IDH2: variants seen among roughly 807,000 people sequenced by gnomAD.
IDH2 encodes the protein isocitrate dehydrogenase (NADP(+)) 2, also known as isocitrate dehydrogenase [NADP], mitochondrial.
IDH2 carries 18 observed loss-of-function variants against 50.5 expected under a neutral mutation model. The ratio of observed to expected loss-of-function variants is 0.36; its 90% CI spans 0.25 to 0.53. IDH2 has a LOEUF of 0.53. IDH2 is among the 20% of genes least tolerant of loss of function. The pLI, the probability that IDH2 is intolerant of heterozygous loss-of-function variation, is 0.92. For synonymous variants in IDH2, 280 were observed against 239.8 expected (o/e 1.17, Z -1.55); for missense variants, 518 against 610.7 (o/e 0.85, Z 1.60).
intron 4 of IDH2, 42 bp downstream of exon 4, chr15:90,088,545 G>T (rs747955566): frequency 6.2e-7 from 1 of 1,614,088 alleles, no homozygotes; most frequent in African/African-American, 1.3e-5. Context: ...CTCCAGTCGG[G>T]GGGTGCCCAG....
chr15:90,088,241 A>G, intron 5 of IDH2, 118 bp downstream of exon 5: 1 of 1,360,882 alleles, frequency 7.3e-7, no homozygotes, highest in Non-Finnish European at 1.0e-6. Context: ...CCTGGTGGCC[A>G]TTTCTGCCTC....
intron 3 of IDH2, among the ~76,000 whole-genome samples, chr15:90,089,515 C>T (rs889646849): frequency 6.6e-6 from 1 of 152,124 alleles, no homozygotes; most frequent in East Asian, 1.9e-4. Context: ...AGGCTGTGAC[C>T]CTCTCCTGCC....
intron 3 of IDH2, 52 bp downstream of exon 3, chr15:90,090,427 G>T: frequency 6.3e-7 from 1 of 1,596,014 alleles, no homozygotes; most frequent in Non-Finnish European, 8.6e-7. Context: ...GGAGAGGCCG[G>T]TGGGAGAAGC....
rs951275836 is a variant in IDH2, at chr15:90,087,244, C to T, written c.835G>A (p.Asp279Asn). The T allele has an allele frequency of 1.2e-6, 2 of 1,614,094 alleles. No homozygotes were observed. The highest frequency in any genetic ancestry group is 1.7e-6 in the Non-Finnish European group (2 of 1,180,044). The change falls in exon 7 of 11, where the codon GAC becomes AAC. Residue 279 changes from aspartate to asparagine, a missense_variant. By Grantham distance (23) the Asp-to-Asn change is conservative. Coordinates refer to ENST00000330062, the MANE Select transcript of IDH2 (RefSeq NM_002168.4). Reference protein sequence around the residue: ...IFDKHYKTDFDKNKIWYEHRL... With the variant: ...IFDKHYKTDFNKNKIWYEHRL... ...TGCTCATACCAGATCTTATTCTTGTCGAAGTCGGTCTTATAGTGCCTGGGA... is the reference window on the plus strand; with the variant it reads ...TGCTCATACCAGATCTTATTCTTGTTGAAGTCGGTCTTATAGTGCCTGGGA...
rs1736614175 is a variant in IDH2, at chr15:90,100,316, A to G, written c.115+1960T>C. ...AATGGAACCAGCCCAAGGGCCCTCAACTTCACACAGAAGATGTGGGAGCAG... is the reference window on the plus strand; with the variant it reads ...AATGGAACCAGCCCAAGGGCCCTCAGCTTCACACAGAAGATGTGGGAGCAG... On this transcript the variant is annotated intron_variant, in intron 1 of 10. Transcript: ENST00000330062. The surrounding 1 kb of genome is among the most constrained non-coding windows in gnomAD (Gnocchi z 4.1). Among the ~76,000 whole-genome samples, 2 of 152,160 alleles carry G rather than the reference A, an allele frequency of 1.3e-5. No individual in the cohort carries two copies. Among genetic ancestry groups the G allele is most frequent in the African/African-American group, 4.8e-5 (2 of 41,440 alleles).
intron 1 of IDH2, among the ~76,000 whole-genome samples, chr15:90,099,697 A>G (rs550421143): frequency 8.2e-4 from 124 of 152,028 alleles, no homozygotes; most frequent in African/African-American, 2.9e-3. Context: ...GCCTCAAGCA[A>G]TCCTCCCACC....
intron 7 of IDH2, among the ~76,000 whole-genome samples, chr15:90,086,357 G>A (rs1900858628): frequency 6.6e-6 from 1 of 152,006 alleles, no homozygotes; most frequent in Non-Finnish European, 1.5e-5. Context: ...ATTTCTCGCT[G>A]TTCTTCTCTA....
At chr15:90,089,160 C>T (rs898369857) in intron 3 of IDH2, among the ~76,000 whole-genome samples, 10 of 151,946 alleles carry the variant, frequency 6.6e-5, no homozygotes, top group Admixed American at 1.3e-4. Flanking sequence ...GTGATCCACC[C>T]GCCTCGGCTT....
chr15:90,089,805 C>A (rs1202213506), intron 3 of IDH2, among the ~76,000 whole-genome samples: 1 of 152,218 alleles, frequency 6.6e-6, no homozygotes, highest in African/African-American at 2.4e-5. Flanking sequence ...TCGAGAGCGG[C>A]CCCAACAGCC....
At chr15:90,086,494 A>G (rs1221751106) in intron 7 of IDH2, among the ~76,000 whole-genome samples, 2 of 152,040 alleles carry the variant, frequency 1.3e-5, no homozygotes, top group African/African-American at 4.8e-5. Flanking sequence ...CCTGGGTTCA[A>G]GAGATTCTCC....
At chr15:90,095,676 G>T (rs980831409) in intron 1 of IDH2, among the ~76,000 whole-genome samples, 1 of 152,162 alleles carries the variant, frequency 6.6e-6, no homozygotes, top group Non-Finnish European at 1.5e-5. Flanking sequence ...TCACCGGCAG[G>T]TGCTAACTAA....
rs1900806798 is a variant in IDH2 at position 90,084,538 on chromosome 15, C to T, written c.1272-185G>A. ...GCCACCGAGATTCGGCAGGCACCCGCAGGGTCTGTCTTGCCAGGTAACTGC... is the reference window on the plus strand; with the variant it reads ...GCCACCGAGATTCGGCAGGCACCCGTAGGGTCTGTCTTGCCAGGTAACTGC... On this transcript the variant is annotated intron_variant, in intron 10 of 10. Coordinates refer to ENST00000330062, the MANE Select transcript of IDH2 (RefSeq NM_002168.4). This position sits in a 1 kb window ranked among gnomAD's most constrained non-coding sequence, Gnocchi z 5.0. Among the ~76,000 whole-genome samples, 1 of 152,134 alleles carries T rather than the reference C, an allele frequency of 6.6e-6. No individual in the cohort carries two copies.
chr15:90,092,462 C>G (rs1901067731), intron 1 of IDH2, among the ~76,000 whole-genome samples: 1 of 150,934 alleles, frequency 6.6e-6, no homozygotes, highest in Non-Finnish European at 1.5e-5. Flanking sequence ...CTGGAATGCA[C>G]TGATGCCATC....
rs200994809 is a variant in IDH2 at position 90,090,540 on chromosome 15, G to C, written c.312C>G (p.Thr104=). 11 of 1,614,164 alleles carry C rather than the reference G, an allele frequency of 6.8e-6. No individual in the cohort carries two copies. In the East Asian group the frequency reaches 1.8e-4, roughly 26 times the overall value. ...ACTTGACAGCCACACTGTACTTCTGGGTGGCCAGTGCAGAGTCAATGGTGA... is the reference window on the plus strand; with the variant it reads ...ACTTGACAGCCACACTGTACTTCTGCGTGGCCAGTGCAGAGTCAATGGTGA... ...DQVTIDSALA[T]QKYSVAVKCA... The change falls in exon 3 of 11, where the codon ACC becomes ACG. Residue 104 remains threonine, a synonymous_variant. Transcript: ENST00000330062.
At position 90,090,551 on chromosome 15, in the gene IDH2, C is replaced by T. The variant is rs2151551274; in HGVS notation, c.301G>A (p.Ala101Thr). ...ACACTGTACTTCTGGGTGGCCAGTG[C>T]AGAGTCAATGGTGACCTGGTCATCA... The part of the protein sequence containing the change: ...QTDDQVTIDS[A>T]LATQKYSVAV... Residue 101 changes from alanine (A) to threonine (T), a missense_variant, in exon 3 of 11, where the codon GCA becomes ACA. Physicochemically the swap from Ala to Thr is moderately conservative, Grantham distance 58 (BLOSUM62 0). Around this residue, in one of 5 missense-constraint regions of IDH2, gnomAD observed 68 missense variants for 109.7 expected, o/e 0.62. Coordinates refer to ENST00000330062, the MANE Select transcript of IDH2 (RefSeq NM_002168.4). 6.2e-7 allele frequency: 1 copy of T among 1,614,194 alleles called. No homozygotes were observed. The highest frequency in any genetic ancestry group is 8.5e-7 in the Non-Finnish European group (1 of 1,180,034).
At chr15:90,101,374 G>A (rs116778625) in intron 1 of IDH2, among the ~76,000 whole-genome samples, 2,528 of 152,310 alleles carry the variant, frequency 0.017, 74 homozygotes, top group African/African-American at 0.058. Context: ...GCCTTTTGTA[G>A]CTGTGTTGGG....
rs772421080 is a variant in IDH2, at chr15:90,087,094, A to G, written c.967+18T>C. 1.2e-6 allele frequency: 2 copies of G among 1,613,440 alleles called. No individual in the cohort carries two copies. Among genetic ancestry groups the G allele is most frequent in the African/African-American group, 2.7e-5 (2 of 74,934 alleles). On this transcript the variant is annotated intron_variant, in intron 7 of 10. Coordinates refer to ENST00000330062, the MANE Select transcript of IDH2 (RefSeq NM_002168.4). ...CCAACAGTCCACCCCCACAGGGAGCAGCGTCCTCCCAGCGTACCCTGGGCC... is the reference window on the plus strand; with the variant it reads ...CCAACAGTCCACCCCCACAGGGAGCGGCGTCCTCCCAGCGTACCCTGGGCC...
In IDH2 at chr15:90,094,198, G is replaced by C. The variant is rs1268122109; in HGVS notation, c.116-2554C>G. Among the ~76,000 whole-genome samples the C allele has an allele frequency of 5.3e-5, 8 of 152,274 alleles. No homozygotes were observed. In the East Asian group the frequency reaches 1.4e-3, roughly 26 times the overall value. ...TAGGGGGCAGGGGACGCTACTGAAG[G>C]AGAGTCTGACTCGCAGGAATACCCA... On this transcript the variant is annotated intron_variant, in intron 1 of 10. Transcript: ENST00000330062.
In IDH2 at chr15:90,087,143, G is replaced by A. The variant is rs763944027; in HGVS notation, c.936C>T (p.Asp312=). ...CCAGGATGTCTGACTGCACATCTCC[G>A]TCATAGTTCTTGCAGGCCCACACAA... ...GGFVWACKNY[D]GDVQSDILAQ... The change falls in exon 7 of 11, where the codon GAC becomes GAT. Residue 312 remains aspartate (D), a synonymous_variant. Coordinates refer to ENST00000330062, the MANE Select transcript of IDH2 (RefSeq NM_002168.4). The A allele has an allele frequency of 8.1e-6, 13 of 1,614,040 alleles. No individual in the cohort carries two copies. Among genetic ancestry groups the A allele is most frequent in the Admixed American group, 3.3e-5 (2 of 59,998 alleles).
Sources: allele counts gnomAD v4.1 joint callset (sites outside exome capture counted in the v4.1 genomes callset), GRCh38; gene constraint gnomAD v4.1.1; regional missense constraint gnomAD v4.1.1; non-coding constraint Gnocchi (gnomAD v3.1); transcripts MANE v1.5; gene names NCBI Gene and HGNC (gene_info 2026-07-23, HGNC 2026-07-21).